Variants in CDH20 observed in about 807,000 individuals in gnomAD.
CDH20 encodes cadherin-20.
CDH20 carries 29 observed loss-of-function variants against 74.2 expected under a neutral mutation model. The ratio of observed to expected loss-of-function variants is 0.39; its 90% CI spans 0.29 to 0.53. CDH20 has a LOEUF of 0.53. Ranked by LOEUF, CDH20 falls within the 20% of genes least tolerant of loss-of-function variation. The pLI, the probability that CDH20 is intolerant of heterozygous loss-of-function variation, is 0.69. For missense variants in CDH20, 988 were observed against 1,048.3 expected, an observed-to-expected ratio of 0.94 and a Z score of 0.79; for synonymous variants, 469 against 405.4, an observed-to-expected ratio of 1.16 and a Z score of -1.88.
intron 2 of CDH20, among the ~76,000 whole-genome samples, chr18:61,491,120 A>C (rs1599121374): frequency 1.3e-5 from 2 of 152,210 alleles, no homozygotes; most frequent in Admixed American, 1.3e-4. Context: ...AGAATGGGTG[A>C]GAGGGAAACT....
chr18:61,526,658 A>G (rs1166711898), intron 6 of CDH20, among the ~76,000 whole-genome samples: 3 of 152,212 alleles, frequency 2.0e-5, no homozygotes, highest in African/African-American at 7.2e-5. Flanking sequence ...TAGCATTTTA[A>G]GTTCACGTTC....
chr18:61,494,614 G>A (rs1001089104), intron 2 of CDH20, among the ~76,000 whole-genome samples: 19 of 152,140 alleles, frequency 1.2e-4, no homozygotes, highest in Middle Eastern at 3.4e-3. Flanking sequence ...CTTGAGCTCC[G>A]GAAGATGTCT....
chr18:61,412,060 CA>C (rs202225694), intron 1 of CDH20, among the ~76,000 whole-genome samples: 278 of 146,642 alleles, frequency 1.9e-3, no homozygotes, highest in African/African-American at 5.7e-3. Flanking sequence ...ACATTTATGG[CA>C]AAAAAAAAGC....
chr18:61,490,328 T>C, intron 1 of CDH20, 74 bp from the exon 2 acceptor site: 1 of 493,290 alleles, frequency 2.0e-6, no homozygotes, highest in South Asian at 2.6e-5. Flanking sequence ...TTTACTGACA[T>C]TTCTTGAAAA....
At position 61,363,632 on chromosome 18, in the gene CDH20, T is replaced by C. The variant is rs557211702; in HGVS notation, c.-153+29805T>C. Among the ~76,000 whole-genome samples, 24 of 152,336 alleles carry C rather than the reference T, an allele frequency of 1.6e-4. No homozygotes were observed. The South Asian group carries it at 4.8e-3, about 30-fold the overall frequency. On this transcript the variant is annotated intron_variant, in intron 1 of 11. Coordinates refer to ENST00000262717, the MANE Select transcript of CDH20 (RefSeq NM_031891.4). ...AGAGTGTCAACCTTGAATATTCGTGTTGTTTAAAGTGATGCTTGTGTTCTG... is the reference window on the plus strand; with the variant it reads ...AGAGTGTCAACCTTGAATATTCGTGCTGTTTAAAGTGATGCTTGTGTTCTG...
At chr18:61,434,751 AATT>A (rs1250518538) in intron 1 of CDH20, among the ~76,000 whole-genome samples, 2 of 152,164 alleles carry the variant, frequency 1.3e-5, no homozygotes, top group African/African-American at 4.8e-5. Flanking sequence ...ACAGCTTATT[AATT>A]ATTGAGGTAA....
At chr18:61,522,640 C>T (rs970587269) in intron 6 of CDH20, among the ~76,000 whole-genome samples, 1 of 152,148 alleles carries the variant, frequency 6.6e-6, no homozygotes, top group Non-Finnish European at 1.5e-5. Flanking sequence ...AAGCTGGAGG[C>T]ATCACAGTAC....
chr18:61,538,620 G>GTT (rs746315637), intron 8 of CDH20, among the ~76,000 whole-genome samples: 1,660 of 41,550 alleles, frequency 0.04, 359 homozygotes, highest in African/African-American at 0.083. Flanking sequence ...TTTTGTTTTT[G>GTT]TTTTGTTTTT....
At position 61,503,005 on chromosome 18, in the gene CDH20, C is replaced by T. The variant is rs370206160; in HGVS notation, c.714C>T (p.Tyr238=). ...MNMDREAKEY[Y]EVIIQAKDMG... ...TGGACAGAGAAGCCAAAGAATACTA[C>T]GAAGTGATTATCCAAGCCAAGGACA... Residue 238 remains tyrosine, a synonymous_variant, in exon 5 of 12, where the codon TAC becomes TAT. Transcript: ENST00000262717. 51 of 1,613,684 alleles carry T rather than the reference C, an allele frequency of 3.2e-5. No individual in the cohort carries two copies. Among genetic ancestry groups the T allele is most frequent in the Middle Eastern group, 3.3e-4 (2 of 6,080 alleles).
At chr18:61,488,520 A>G (rs1910846423) in intron 1 of CDH20, among the ~76,000 whole-genome samples, 1 of 152,170 alleles carries the variant, frequency 6.6e-6, no homozygotes, top group Non-Finnish European at 1.5e-5. Context: ...TGGGAGAATT[A>G]TTGGCCCTGC....
At chr18:61,359,565 A>G (rs1291675738) in intron 1 of CDH20, among the ~76,000 whole-genome samples, 3 of 151,902 alleles carry the variant, frequency 2.0e-5, no homozygotes, top group Non-Finnish European at 4.4e-5. Flanking sequence ...ATTATGTGGT[A>G]AAGTAGAAAT....
At chr18:61,447,192 AG>A (rs1438115691) in intron 1 of CDH20, among the ~76,000 whole-genome samples, 1 of 152,226 alleles carries the variant, frequency 6.6e-6, no homozygotes, top group Non-Finnish European at 1.5e-5. Context: ...GGACCTAGTG[AG>A]TTCAGTTGGG....
At chr18:61,433,224 CA>C (rs1461817094) in intron 1 of CDH20, among the ~76,000 whole-genome samples, 1 of 152,092 alleles carries the variant, frequency 6.6e-6, no homozygotes, top group Non-Finnish European at 1.5e-5. Context: ...ATCACCATGC[CA>C]AACACAGAAT....
chr18:61,499,607 A>C (rs1176888834), intron 3 of CDH20, 127 bp downstream of exon 3: 9 of 774,624 alleles, frequency 1.2e-5, no homozygotes, highest in African/African-American at 8.6e-5. Context: ...ATGAGAGGAG[A>C]AGCTCACCAA....
intron 1 of CDH20, among the ~76,000 whole-genome samples, chr18:61,371,911 TA>T (rs1268950032): frequency 6.6e-6 from 1 of 152,120 alleles, no homozygotes; most frequent in Non-Finnish European, 1.5e-5. Flanking sequence ...AGAAATGTAC[TA>T]ACTTCGAAAA....
chr18:61,465,781 A>C (rs912822617), intron 1 of CDH20, among the ~76,000 whole-genome samples: 7 of 150,610 alleles, frequency 4.6e-5, no homozygotes, highest in Non-Finnish European at 1.0e-4. Context: ...CTAATTCTAC[A>C]GAGAAACTTA....
rs544071970 is a variant in CDH20, at chr18:61,360,922, T to C, written c.-153+27095T>C. Among the ~76,000 whole-genome samples, 161 of 152,394 alleles carry C rather than the reference T, an allele frequency of 1.1e-3. 1 individual carries two copies. Among genetic ancestry groups the C allele is most frequent in the African/African-American group, 3.7e-3 (154 of 41,598 alleles). ...GTTTCAGTTCGCAGACATCATGTTA[T>C]ATTTCTCATACTGATGTTAGCAATA... On this transcript the variant is annotated intron_variant, in intron 1 of 11. Transcript: ENST00000262717.
chr18:61,408,885 T>G (rs1912410857), intron 1 of CDH20, among the ~76,000 whole-genome samples: 2 of 152,074 alleles, frequency 1.3e-5, no homozygotes, highest in Admixed American at 6.6e-5. Context: ...AAACTAAACT[T>G]CACAAGTATG....
chr18:61,530,179 A>G (rs1037735530), intron 7 of CDH20, among the ~76,000 whole-genome samples: 4 of 152,202 alleles, frequency 2.6e-5, no homozygotes, highest in Non-Finnish European at 4.4e-5. Context: ...ATTGCTAGGT[A>G]TGAGGTCCCT....
Sources: gnomAD v4.1 joint callset for allele counts (sites outside exome capture counted in the v4.1 genomes callset) on GRCh38, gnomAD v4.1.1 for gene constraint, MANE v1.5 for transcripts, NCBI Gene and HGNC (gene_info 2026-07-23, HGNC 2026-07-21) for gene names.